Variants in TDRD6 observed in about 807,000 individuals in gnomAD.
TDRD6 encodes the protein tudor domain-containing protein 6.
A neutral mutation model predicts 157.5 loss-of-function variants in TDRD6; 186 were observed. That is an observed-to-expected ratio of 1.18 (90% confidence interval 1.05 to 1.33). The LOEUF (loss-of-function observed/expected upper bound fraction) is 1.33. TDRD6 is among the 40% of genes most tolerant of loss of function. The probability of loss-of-function intolerance (pLI) is 0.00; values close to 1 mark genes in which losing one functional copy is unlikely to be tolerated. For synonymous variants in TDRD6, 1,075 were observed against 945.2 expected, an observed-to-expected ratio of 1.14 and a Z score of -2.52; for missense variants, 3,066 against 2,508.0, an observed-to-expected ratio of 1.22 and a Z score of -4.75.
rs1431203487 is a variant in TDRD6 at position 46,690,083 on chromosome 6, G to C, written c.1955G>C (p.Gly652Ala). The change falls in exon 1 of 4, where the codon GGG (glycine) becomes GCG (alanine). Residue 652 changes from glycine (G) to alanine (A), a missense_variant. Coordinates refer to ENST00000316081, the MANE Select transcript of TDRD6 (RefSeq NM_001010870.3). ...VIEILDESRT[G>A]EENISKVIAQ... ...GAGATTCTTGACGAATCAAGAACAG[G>C]GGAAGAAAACATTAGTAAGGTAATT... The C allele has an allele frequency of 6.2e-7, 1 of 1,613,978 alleles. No individual in the cohort carries two copies. Among genetic ancestry groups the C allele is most frequent in the Non-Finnish European group, 8.5e-7 (1 of 1,179,998 alleles).
chr6:46,704,182 CTT>C lies in TDRD6; in HGVS notation c.*2296_*2297del, dbSNP rs934374021. ...GTTTTTTACTCTATGTTTAGGGAGT[CTT>C]GTATCATTGCAACAGGTTTTCACTG... On this transcript the variant is annotated 3_prime_UTR_variant, in exon 4 of 4. Transcript: ENST00000316081. 2.1e-5 allele frequency: 5 copies of C among 235,618 alleles called. No individual in the cohort carries two copies. The highest frequency in any genetic ancestry group is 9.2e-5 in the African/African-American group (4 of 43,308). The allele number at this position is 235,618 out of a possible 1,614,324, so 14.6% of individuals were successfully genotyped here.
chr6:46,683,998 T>C (rs1248315696), upstream of TDRD6, among the ~76,000 whole-genome samples: 1 of 152,142 alleles, frequency 6.6e-6, no homozygotes, highest in Non-Finnish European at 1.5e-5. Flanking sequence ...GTAAGGTGTA[T>C]GCCGTTATAT....
rs772473402 is a variant in TDRD6, at chr6:46,690,551, A to G, written c.2423A>G (p.Tyr808Cys). 15 of 1,614,062 alleles carry G rather than the reference A, an allele frequency of 9.3e-6. No homozygotes were observed. The highest frequency in any genetic ancestry group is 2.2e-5 in the South Asian group (2 of 91,088). The change falls in exon 1 of 4, where the codon TAT becomes TGT. Residue 808 changes from tyrosine (Y) to cysteine (C), a missense_variant. Transcript: ENST00000316081. ...LKTLMSDIQY[Y>C]CKNTAAPHQR... The stretch of plus-strand genomic sequence containing the variant: ...ACTCTAATGTCTGATATTCAGTACT[A>G]TTGCAAAAATACAGCTGCTCCTCAC...
chr6:46,698,758 T>C (rs1434829031), intron 3 of TDRD6, among the ~76,000 whole-genome samples: 6 of 152,228 alleles, frequency 3.9e-5, no homozygotes, highest in Non-Finnish European at 8.8e-5. Context: ...CTTTGTATGT[T>C]GAGTAATTTT....
chr6:46,691,436 T>TTCC lies in TDRD6; in HGVS notation c.3310_3312dup (p.Pro1104dup). The TTCC allele has an allele frequency of 2.5e-6, 4 of 1,614,100 alleles. No homozygotes were observed. The South Asian group carries it at 3.3e-5, about 13-fold the overall frequency. On this transcript the variant is annotated inframe_insertion, in exon 1 of 4. Coordinates refer to ENST00000316081, the MANE Select transcript of TDRD6 (RefSeq NM_001010870.3). ...GCTGTCAGATGTTCATTATCTGATA[T>TTCC]TCCTGATCATATACCAGAAGAAGTG...
Position 46,688,311 on chromosome 6 carries a change from G to A in TDRD6, c.183G>A (p.Ala61=), listed in dbSNP as rs183718463. 1 of 1,515,118 alleles carries A rather than the reference G, an allele frequency of 6.6e-7. No homozygotes were observed. The highest frequency in any genetic ancestry group is 8.8e-7 in the Non-Finnish European group (1 of 1,137,566). 93.9% of individuals were successfully genotyped at this position (1,515,118 alleles called of 1,614,324 possible). ...CGGCGGCCACGCGCGGCCAGTGGGC[G>A]CTGGGCAGCGCCTCGGCCTCGCCCG... ...QEAAATRGQW[A]LGSASASPGE... The change falls in exon 1 of 4, where the codon GCG becomes GCA. Residue 61 remains alanine, a synonymous_variant. Coordinates refer to ENST00000316081, the MANE Select transcript of TDRD6 (RefSeq NM_001010870.3).
At chr6:46,694,306 G>A in intron 1 of TDRD6, 132 bp downstream of exon 1, 1 of 598,114 alleles carries the variant, frequency 1.7e-6, no homozygotes, top group Non-Finnish European at 2.7e-6. Flanking sequence ...AGGCTCTAGT[G>A]ATTTTCCCAC....
At chr6:46,681,364 A>C in the TDRD6 span, among the ~76,000 whole-genome samples, 1,840 of 152,326 alleles carry the variant, frequency 0.012, 37 homozygotes, top group African/African-American at 0.041. Context: ...ATTGACTAAC[A>C]GTTAATAAAT....
chr6:46,695,710 A>G (rs754318420), intron 1 of TDRD6, 111 bp from the exon 2 acceptor site: 160 of 1,075,290 alleles, frequency 1.5e-4, no homozygotes, highest in Non-Finnish European at 2.1e-4. Flanking sequence ...TACTAATTAC[A>G]TGATATTGAT....
Position 46,690,895 on chromosome 6 carries a change from A to C in TDRD6, c.2767A>C (p.Thr923Pro). The change falls in exon 1 of 4, where the codon ACA becomes CCA. Residue 923 changes from threonine (T) to proline (P), a missense_variant. Transcript: ENST00000316081. ...GCAAAAAAATCTAGAATTAAAATGT[A>C]CAATATTTGCTCTGGCTTCAATTAA... ...AWQKNLELKC[T>P]IFALASINEE... is the part of the protein sequence containing the mutation. 6.2e-7 allele frequency: 1 copy of C among 1,614,028 alleles called. No individual in the cohort carries two copies.
chr6:46,695,713 A>G (rs767248784), intron 1 of TDRD6, 108 bp from the exon 2 acceptor site: 1 of 1,117,164 alleles, frequency 9.0e-7, no homozygotes, highest in Admixed American at 2.4e-5. Context: ...TAATTACATG[A>G]TATTGATGAT....
Position 46,693,289 on chromosome 6 carries a change from G to T in TDRD6, c.5161G>T (p.Gly1721Trp). ...TGACTCAGAGATAAAGCAGACTCTT[G>T]GGTCCTACAATCTTGATGTAGGACT... ...NIDSEIKQTL[G>W]SYNLDVGLKK... Residue 1721 changes from glycine to tryptophan, a missense_variant, in exon 1 of 4, where the codon GGG (glycine) becomes TGG (tryptophan). By Grantham distance (184) the Gly-to-Trp change is radical. Transcript: ENST00000316081. 6.2e-7 allele frequency: 1 copy of T among 1,612,468 alleles called. No homozygotes were observed. Among genetic ancestry groups the T allele is most frequent in the South Asian group, 1.1e-5 (1 of 90,766 alleles).
intron 3 of TDRD6, among the ~76,000 whole-genome samples, chr6:46,701,374 G>T (rs1292697979): frequency 6.6e-6 from 1 of 152,040 alleles, no homozygotes; most frequent in African/African-American, 2.4e-5. Context: ...AATGATATTT[G>T]TTAAATAATC....
At chr6:46,698,366 T>C (rs1236263993) in intron 3 of TDRD6, among the ~76,000 whole-genome samples, 1 of 152,140 alleles carries the variant, frequency 6.6e-6, no homozygotes, top group East Asian at 1.9e-4. Flanking sequence ...CTGAGAAATA[T>C]AACAATATTA....
chr6:46,701,290 C>T (rs971796924), intron 3 of TDRD6, among the ~76,000 whole-genome samples: 2 of 152,044 alleles, frequency 1.3e-5, no homozygotes, highest in African/African-American at 4.8e-5. Context: ...TTGAATTAAT[C>T]TTGAAAGTTA....
In TDRD6 at chr6:46,691,072, A is replaced by T. The variant is rs1214662934; in HGVS notation, c.2944A>T (p.Met982Leu). The T allele has an allele frequency of 6.2e-6, 10 of 1,613,864 alleles. No individual in the cohort carries two copies. The highest frequency in any genetic ancestry group is 8.5e-6 in the Non-Finnish European group (10 of 1,179,886). The change falls in exon 1 of 4, where the codon ATG becomes TTG. Residue 982 changes from methionine (M) to leucine (L), a missense_variant. By Grantham distance (15) the Met-to-Leu change is conservative (BLOSUM62 2). Coordinates refer to ENST00000316081, the MANE Select transcript of TDRD6 (RefSeq NM_001010870.3). ...TTCCTACTTCTATTCTACACATGAT[A>T]TGAAAATTGGAAGTGAAGAATTAGT... ...LHSYFYSTHDMKIGSEELVYI... is the reference protein window; with the variant it reads ...LHSYFYSTHDLKIGSEELVYI...
intron 3 of TDRD6, chr6:46,700,946 A>G: frequency 2.7e-6 from 1 of 373,036 alleles, no homozygotes; most frequent in South Asian, 2.1e-5. Flanking sequence ...GATTTGAATT[A>G]TTTTGTACTC....
At position 46,696,577 on chromosome 6, in the gene TDRD6, GTGTGTA is replaced by G. The variant is rs1307576875; in HGVS notation, c.6171+634_6171+639del. 5.7e-4 allele frequency among the ~76,000 whole-genome samples: 27 copies of G among 47,236 alleles called. 1 individual carries two copies. Among genetic ancestry groups the G allele is most frequent in the Non-Finnish European group, 7.6e-4 (20 of 26,266 alleles). 31.0% of individuals were successfully genotyped at this position (47,236 alleles called of 152,430 possible). A position where few individuals can be genotyped will look rare whatever the true frequency, so the allele number is the denominator to read the frequency against. ...TGTGTGTGTGTGTGTGTGTGTGTGT[GTGTGTA>G]TATATATATATATATATATTTTTTT... is the stretch of plus-strand genomic sequence containing the variant. On this transcript the variant is annotated intron_variant, in intron 2 of 3. Coordinates refer to ENST00000316081, the MANE Select transcript of TDRD6 (RefSeq NM_001010870.3).
In TDRD6 at chr6:46,691,173, G is replaced by T; in HGVS notation, c.3045G>T (p.Leu1015Phe). The change falls in exon 1 of 4, where the codon TTG (leucine) becomes TTT (phenylalanine). Residue 1015 changes from leucine (L) to phenylalanine (F), a missense_variant. Transcript: ENST00000316081. ...GAAATGCAAATATTTTAGAACAGTT[G>T]TCATGTAGTATTACACAATTAAGTA... ...LARNANILEQ[L>F]SCSITQLSKV... is the part of the protein sequence containing the mutation. 1.2e-6 allele frequency: 2 copies of T among 1,613,728 alleles called. No homozygotes were observed. Among genetic ancestry groups the T allele is most frequent in the African/African-American group, 1.3e-5 (1 of 75,022 alleles).
Sources: allele counts gnomAD v4.1 joint callset (sites outside exome capture counted in the v4.1 genomes callset), GRCh38; gene constraint gnomAD v4.1.1; transcripts MANE v1.5; gene names NCBI Gene and HGNC (gene_info 2026-07-23, HGNC 2026-07-21).